The following NHLRC3 variants were observed in gnomAD, a reference collection of about 807,000 sequenced individuals.
NHLRC3 encodes NHL repeat-containing protein 3.
In NHLRC3, 23 loss-of-function variants were observed where a neutral mutation model predicts 32.0. The observed-to-expected ratio is 0.72, with a 90% confidence interval of 0.52 to 1.02. NHLRC3 has a LOEUF of 1.02. Among genes scored for constraint, NHLRC3 ranks in the 50% least tolerant of loss-of-function variants. The pLI is 0.00. For missense variants in NHLRC3, 407 were observed against 406.8 expected, an observed-to-expected ratio of 1.00 and a Z score of -0.01; for synonymous variants, 159 against 147.9, an observed-to-expected ratio of 1.08 and a Z score of -0.55.
intron 3 of NHLRC3, chr13:39,040,020 C>CA (rs67484587): frequency 0.032 from 3,430 of 106,230 alleles, 83 homozygotes; most frequent in African/African-American, 0.069. Flanking sequence ...ACTAAAAATA[C>CA]AAAAAAAAAA....
chr13:39,039,842 G>A (rs974851501), intron 3 of NHLRC3, 131 bp downstream of exon 3: 7 of 672,592 alleles, frequency 1.0e-5, no homozygotes, highest in African/African-American at 9.1e-5. Context: ...GAAATCACAT[G>A]TTTTTAACAA....
Position 39,049,805 on chromosome 13 carries a change from T to G in NHLRC3, c.*1879T>G, listed in dbSNP as rs1345598830. On this transcript the variant is annotated 3_prime_UTR_variant, in exon 7 of 7. Transcript: ENST00000379600. Reference sequence around the variant, plus strand: ...TGTTTTATTAAGCCAGGACAAGAAGTGCAAATGCCTCTTTGAAGCAATTCA... The same window carrying G: ...TGTTTTATTAAGCCAGGACAAGAAGGGCAAATGCCTCTTTGAAGCAATTCA... 6.6e-6 allele frequency: 1 copy of G among 152,236 alleles called. No homozygotes were observed. Among genetic ancestry groups the G allele is most frequent in the African/African-American group, 2.4e-5 (1 of 41,466 alleles). The allele number at this position is 152,236 out of a possible 1,614,324, so 9.4% of individuals were successfully genotyped here.
In NHLRC3 at chr13:39,039,658, T is replaced by C; in HGVS notation, c.332T>C (p.Phe111Ser). The change falls in exon 3 of 7, where the codon TTT (phenylalanine) becomes TCT (serine). Residue 111 changes from phenylalanine to serine, a missense_variant. Coordinates refer to ENST00000379600, the MANE Select transcript of NHLRC3 (RefSeq NM_001012754.4). ...NYTVDTPHGI[F>S]AASTLYEQSV... is the part of the protein sequence containing the mutation. Reference sequence around the variant, plus strand: ...ACAGTTGACACACCTCATGGTATATTTGCAGCCAGTACTCTATATGAACAA... The same window carrying C: ...ACAGTTGACACACCTCATGGTATATCTGCAGCCAGTACTCTATATGAACAA... 1 of 1,612,996 alleles carries C rather than the reference T, an allele frequency of 6.2e-7. No homozygotes were observed. Among genetic ancestry groups the C allele is most frequent in the East Asian group, 2.2e-5 (1 of 44,848 alleles).
rs1203395715 is a variant in NHLRC3, at chr13:39,047,261, A to G, written c.791+109A>G. 4 of 652,866 alleles carry G rather than the reference A, an allele frequency of 6.1e-6. No individual in the cohort carries two copies. In the Admixed American group the frequency reaches 1.2e-4, roughly 20 times the overall value. The allele number at this position is 652,866 out of a possible 1,614,324, so 40.4% of individuals were successfully genotyped here. A position where few individuals can be genotyped will look rare whatever the true frequency, so the allele number is the denominator to read the frequency against. ...AAATATTTATTGTTAATTTTGAATT[A>G]GGGGAAAATAGAAATATACAGAGAA... is the stretch of plus-strand genomic sequence containing the variant. On this transcript the variant is annotated intron_variant, in intron 6 of 6. Coordinates refer to ENST00000379600, the MANE Select transcript of NHLRC3 (RefSeq NM_001012754.4).
chr13:39,039,086 G>GTTTTTTTTT, intron 1 of NHLRC3, 50 bp from the exon 2 acceptor site: 1 of 387,962 alleles, frequency 2.6e-6, no homozygotes, highest in Non-Finnish European at 4.5e-6. Flanking sequence ...CCCTTTTTTT[G>GTTTTTTTTT]TTCTTACCTA....
At chr13:39,038,839 AAGC>A in intron 1 of NHLRC3, 116 bp downstream of exon 1, 1 of 895,008 alleles carries the variant, frequency 1.1e-6, no homozygotes, top group Non-Finnish European at 1.9e-6. Flanking sequence ...GCTTGTCTCA[AAGC>A]CTGCACCTGG....
At chr13:39,044,229 T>TTGTGGGTGTGGG in intron 5 of NHLRC3, 48 bp downstream of exon 5, 1 of 858,250 alleles carries the variant, frequency 1.2e-6, no homozygotes, top group Non-Finnish European at 1.9e-6. Flanking sequence ...CTGAATATGT[T>TTGTGGGTGTGGG]TGTGTGTGTG....
Position 39,038,585 on chromosome 13 carries a change from C to T in NHLRC3, c.-55C>T. 3.4e-6 allele frequency: 5 copies of T among 1,470,998 alleles called. No individual in the cohort carries two copies. Among genetic ancestry groups the T allele is most frequent in the Admixed American group, 3.3e-5 (2 of 59,842 alleles). 91.1% of individuals were successfully genotyped at this position (1,470,998 alleles called of 1,614,324 possible). ...GCAAACCGTTGCAGCCTGAGGCTGT[C>T]AGGTCCTCCCCCAGACACCTGCGGA... is the stretch of plus-strand genomic sequence containing the variant. On this transcript the variant is annotated 5_prime_UTR_variant, in exon 1 of 7. Coordinates refer to ENST00000379600, the MANE Select transcript of NHLRC3 (RefSeq NM_001012754.4).
intron 5 of NHLRC3, among the ~76,000 whole-genome samples, chr13:39,044,819 G>A (rs1232110439): frequency 1.3e-5 from 2 of 152,066 alleles, no homozygotes; most frequent in East Asian, 1.9e-4. Flanking sequence ...CAACGAAACC[G>A]CCACCAAAAA....
rs145181998 is a variant in NHLRC3, at chr13:39,047,786, A to C, written c.904A>C (p.Ile302Leu). Residue 302 changes from isoleucine to leucine, a missense_variant, in exon 7 of 7, where the codon ATC becomes CTC. Transcript: ENST00000379600. The part of the protein sequence containing the change: ...SIGECSVIST[I>L]QLADQVLPHL... ...TGGGGAGTGTTCTGTGATCAGCACA[A>C]TCCAACTAGCAGATCAAGTTTTGCC... 156 of 1,614,158 alleles carry C rather than the reference A, an allele frequency of 9.7e-5. No individual in the cohort carries two copies. Among genetic ancestry groups the C allele is most frequent in the Middle Eastern group, 6.6e-4 (4 of 6,062 alleles).
chr13:39,040,257 A>G (rs1871417279), intron 3 of NHLRC3: 1 of 152,064 alleles, frequency 6.6e-6, no homozygotes, highest in Admixed American at 6.6e-5. Flanking sequence ...GAACTTGTCT[A>G]GGGTCTTTTC....
chr13:39,038,577 G>A lies in NHLRC3; in HGVS notation c.-63G>A. Reference sequence around the variant, plus strand: ...GTGCCGCTGCAAACCGTTGCAGCCTGAGGCTGTCAGGTCCTCCCCCAGACA... The same window carrying A: ...GTGCCGCTGCAAACCGTTGCAGCCTAAGGCTGTCAGGTCCTCCCCCAGACA... On this transcript the variant is annotated 5_prime_UTR_variant, in exon 1 of 7. Transcript: ENST00000379600. 7.1e-7 allele frequency: 1 copy of A among 1,407,374 alleles called. No homozygotes were observed. The highest frequency in any genetic ancestry group is 1.0e-6 in the Non-Finnish European group (1 of 991,208). The allele number at this position is 1,407,374 out of a possible 1,614,324, so 87.2% of individuals were successfully genotyped here. A position where few individuals can be genotyped will look rare whatever the true frequency, so the allele number is the denominator to read the frequency against.
At position 39,047,810 on chromosome 13, in the gene NHLRC3, C is replaced by T; in HGVS notation, c.928C>T (p.Pro310Ser). Residue 310 changes from proline (P) to serine (S), a missense_variant, in exon 7 of 7, where the codon CCA becomes TCA. Coordinates refer to ENST00000379600, the MANE Select transcript of NHLRC3 (RefSeq NM_001012754.4). ...STIQLADQVL[P>S]HLLEVDRKTG... Reference sequence around the variant, plus strand: ...AATCCAACTAGCAGATCAAGTTTTGCCACATCTCCTAGAAGTCGACAGAAA... The same window carrying T: ...AATCCAACTAGCAGATCAAGTTTTGTCACATCTCCTAGAAGTCGACAGAAA... 1 of 1,614,078 alleles carries T rather than the reference C, an allele frequency of 6.2e-7. No individual in the cohort carries two copies. Among genetic ancestry groups the T allele is most frequent in the Non-Finnish European group, 8.5e-7 (1 of 1,180,010 alleles).
rs183663699 is a variant in NHLRC3, at chr13:39,042,305, G to A, written c.586G>A (p.Asp196Asn). The A allele has an allele frequency of 2.0e-6, 3 of 1,522,988 alleles. No individual in the cohort carries two copies. Among genetic ancestry groups the A allele is most frequent in the Admixed American group, 1.7e-5 (1 of 59,016 alleles). 94.3% of individuals were successfully genotyped at this position (1,522,988 alleles called of 1,614,324 possible). The change falls in exon 4 of 7, where the codon GAT becomes AAT. Residue 196 changes from aspartate to asparagine, a missense_variant and splice_region_variant. By Grantham distance (23) the Asp-to-Asn change is conservative. Coordinates refer to ENST00000379600, the MANE Select transcript of NHLRC3 (RefSeq NM_001012754.4). The part of the protein sequence containing the change: ...LNNRLIKLSQ[D>N]FMILWLHGEN... ...TAACAGATTGATCAAACTGTCCCAAGGTACATTACTTGTTTATGGTATTAT... is the reference window on the plus strand; with the variant it reads ...TAACAGATTGATCAAACTGTCCCAAAGTACATTACTTGTTTATGGTATTAT...
chr13:39,042,063 A>G, intron 3 of NHLRC3, 42 bp from the exon 4 acceptor site: 1 of 1,172,718 alleles, frequency 8.5e-7, no homozygotes, highest in Non-Finnish European at 1.3e-6. Flanking sequence ...GAATGTTTGT[A>G]TAGTGGTTTT....
intron 4 of NHLRC3, among the ~76,000 whole-genome samples, chr13:39,043,771 A>G (rs1266033488): frequency 6.6e-6 from 1 of 152,194 alleles, no homozygotes; most frequent in Non-Finnish European, 1.5e-5. Flanking sequence ...AATATCAAGT[A>G]ACAGATAAGT....
chr13:39,039,078 C>CGTTT, intron 1 of NHLRC3, 58 bp from the exon 2 acceptor site: 11 of 1,038,050 alleles, frequency 1.1e-5, no homozygotes, highest in African/African-American at 1.6e-5. Flanking sequence ...CCCCCCCGCC[C>CGTTT]TTTTTTTGTT....
chr13:39,045,748 T>C (rs1295146567), intron 5 of NHLRC3, among the ~76,000 whole-genome samples: 1 of 152,242 alleles, frequency 6.6e-6, no homozygotes, highest in Non-Finnish European at 1.5e-5. Context: ...TAAAGGACCA[T>C]AGATCAGGAA....
In NHLRC3 at chr13:39,047,754, G is replaced by T; in HGVS notation, c.872G>T (p.Gly291Val). 1 of 1,613,570 alleles carries T rather than the reference G, an allele frequency of 6.2e-7. No individual in the cohort carries two copies. Among genetic ancestry groups the T allele is most frequent in the Non-Finnish European group, 8.5e-7 (1 of 1,179,492 alleles). ...RLSVVAAPPV[G>V]SIGECSVIST... The stretch of plus-strand genomic sequence containing the variant: ...TCAGTCGTAGCAGCACCCCCAGTGG[G>T]AAGCATTGGGGAGTGTTCTGTGATC... The change falls in exon 7 of 7, where the codon GGA (glycine) becomes GTA (valine). Residue 291 changes from glycine (G) to valine (V), a missense_variant. Transcript: ENST00000379600.
Sources: gnomAD v4.1 joint callset for allele counts (sites outside exome capture counted in the v4.1 genomes callset) on GRCh38, gnomAD v4.1.1 for gene constraint, MANE v1.5 for transcripts, NCBI Gene and HGNC (gene_info 2026-07-23, HGNC 2026-07-21) for gene names.